The following DKK2 variants were observed in gnomAD, a reference collection of about 807,000 sequenced individuals.
DKK2 encodes dickkopf Wnt signaling pathway inhibitor 2, also known as dickkopf-related protein 2.
DKK2 carries 11 observed loss-of-function variants against 28.1 expected under a neutral mutation model. The observed-to-expected ratio is 0.39, with a 90% confidence interval of 0.25 to 0.65. DKK2 has a LOEUF of 0.65. DKK2 is among the 30% of genes least tolerant of loss of function. The pLI is 0.47. For synonymous variants in DKK2, 135 were observed against 126.5 expected (o/e 1.07, Z -0.45); for missense variants, 326 against 335.5 (o/e 0.97, Z 0.22).
chr4:106,978,887 T>C (rs1009040486), intron 1 of DKK2, among the ~76,000 whole-genome samples: 5 of 151,922 alleles, frequency 3.3e-5, no homozygotes, highest in Non-Finnish European at 7.4e-5. Flanking sequence ...GCCCTGGTGG[T>C]GTAGGCACCC....
intron 1 of DKK2, among the ~76,000 whole-genome samples, chr4:106,942,521 C>T (rs1724715454): frequency 6.6e-6 from 1 of 152,166 alleles, no homozygotes; most frequent in Admixed American, 6.6e-5. Context: ...GTCTGGCCTC[C>T]CATTCCAGTA....
intron 1 of DKK2, among the ~76,000 whole-genome samples, chr4:106,992,672 C>T (rs77562208): frequency 0.019 from 2,945 of 152,306 alleles, 41 homozygotes; most frequent in Middle Eastern, 0.037. Flanking sequence ...GGTAGCATTT[C>T]AAGCATATAT....
intron 1 of DKK2, among the ~76,000 whole-genome samples, chr4:106,967,309 TG>T (rs1476362777): frequency 2.0e-5 from 3 of 152,144 alleles, no homozygotes; most frequent in African/African-American, 7.2e-5. Context: ...TGGAAGAACC[TG>T]GTCTAGACTA....
Position 107,035,577 on chromosome 4 carries a change from C to G in DKK2, c.15G>C (p.Met5Ile). ...GGCAGCAGGACGAATCCTTGCTCCG[C>G]ATCAACGCGGCCATCTCCCGGCGAG... MAAL[M>I]RSKDSSCCLL... The change falls in exon 1 of 4, where the codon ATG becomes ATC. Residue 5 changes from methionine (M) to isoleucine (I), a missense_variant. Coordinates refer to ENST00000285311, the MANE Select transcript of DKK2 (RefSeq NM_014421.3). 1.2e-6 allele frequency: 2 copies of G among 1,614,098 alleles called. No individual in the cohort carries two copies. Among genetic ancestry groups the G allele is most frequent in the Non-Finnish European group, 8.5e-7 (1 of 1,180,010 alleles).
chr4:107,031,764 C>A (rs1356237168), intron 1 of DKK2, among the ~76,000 whole-genome samples: 1 of 151,962 alleles, frequency 6.6e-6, no homozygotes, highest in Non-Finnish European at 1.5e-5. Flanking sequence ...TAAGCAATTA[C>A]AAACACAAAT....
chr4:107,017,498 C>T (rs905060659), intron 1 of DKK2, among the ~76,000 whole-genome samples: 11 of 152,056 alleles, frequency 7.2e-5, no homozygotes, highest in African/African-American at 2.7e-4. Context: ...ATATAAAGCT[C>T]TAAACTGTGA....
intron 1 of DKK2, among the ~76,000 whole-genome samples, chr4:106,940,316 C>T (rs2110343382): frequency 6.6e-6 from 1 of 152,292 alleles, no homozygotes; most frequent in South Asian, 2.1e-4. Context: ...ACAGACACGT[C>T]TCAAAAGAAG....
chr4:106,945,678 A>G (rs1386280954), intron 1 of DKK2, among the ~76,000 whole-genome samples: 1 of 152,128 alleles, frequency 6.6e-6, no homozygotes, highest in Non-Finnish European at 1.5e-5. Context: ...AGTAATATAT[A>G]CCCATATCCT....
intron 1 of DKK2, among the ~76,000 whole-genome samples, chr4:107,016,703 A>T (rs1302470345): frequency 6.6e-6 from 1 of 151,900 alleles, no homozygotes; most frequent in East Asian, 1.9e-4. Context: ...GGCTTCCTTA[A>T]TGGTCTGAAT....
At chr4:106,960,650 A>G (rs1003249040) in intron 1 of DKK2, among the ~76,000 whole-genome samples, 1 of 152,188 alleles carries the variant, frequency 6.6e-6, no homozygotes, top group East Asian at 1.9e-4. Context: ...CTCAATAAAT[A>G]TATGGTCAAC....
intron 1 of DKK2, among the ~76,000 whole-genome samples, chr4:106,994,874 G>A (rs1723250148): frequency 6.6e-6 from 1 of 152,198 alleles, no homozygotes; most frequent in African/African-American, 2.4e-5. Context: ...TGGGGCACAT[G>A]CAGTTAACTC....
chr4:106,952,969 T>G (rs1722503364), intron 1 of DKK2, among the ~76,000 whole-genome samples: 1 of 152,204 alleles, frequency 6.6e-6, no homozygotes, highest in Non-Finnish European at 1.5e-5. Context: ...AATGCAAAAC[T>G]TAAACAAAGT....
intron 1 of DKK2, among the ~76,000 whole-genome samples, chr4:107,022,613 A>T (rs1295331164): frequency 6.6e-6 from 1 of 152,138 alleles, no homozygotes; most frequent in African/African-American, 2.4e-5. Flanking sequence ...ATGTTCTAGA[A>T]ATGGACATAG....
At chr4:106,963,949 C>T (rs762388453) in intron 1 of DKK2, among the ~76,000 whole-genome samples, 45 of 152,250 alleles carry the variant, frequency 3.0e-4, no homozygotes, top group Non-Finnish European at 5.0e-4. Flanking sequence ...CTCCTTTCCC[C>T]AGAGTATGTT....
At chr4:107,031,469 G>A (rs959308003) in intron 1 of DKK2, among the ~76,000 whole-genome samples, 2 of 151,954 alleles carry the variant, frequency 1.3e-5, no homozygotes, top group African/African-American at 4.8e-5. Flanking sequence ...ACTCGTTCAA[G>A]CTTCTCTTTC....
chr4:106,942,791 G>A (rs761384394), intron 1 of DKK2, among the ~76,000 whole-genome samples: 2 of 151,556 alleles, frequency 1.3e-5, no homozygotes, highest in Non-Finnish European at 2.9e-5. Flanking sequence ...CCCTCACATT[G>A]AACAGTGAAG....
At position 107,036,041 on chromosome 4, in the gene DKK2, C is replaced by T. The variant is rs1330984942; in HGVS notation, c.-450G>A. On this transcript the variant is annotated 5_prime_UTR_variant, in exon 1 of 4. Coordinates refer to ENST00000285311, the MANE Select transcript of DKK2 (RefSeq NM_014421.3). ...CCTTCAACTCAGTTGCTTTTCTCTCCTCTCTTTTCCTATCCTTTATGTGTC... is the reference window on the plus strand; with the variant it reads ...CCTTCAACTCAGTTGCTTTTCTCTCTTCTCTTTTCCTATCCTTTATGTGTC... 1.1e-5 allele frequency: 2 copies of T among 186,048 alleles called. No individual in the cohort carries two copies. Among genetic ancestry groups the T allele is most frequent in the African/African-American group, 2.4e-5 (1 of 42,254 alleles). The allele number at this position is 186,048 out of a possible 1,614,324, so 11.5% of individuals were successfully genotyped here.
At chr4:106,946,986 G>T (rs1724787294) in intron 1 of DKK2, among the ~76,000 whole-genome samples, 1 of 152,060 alleles carries the variant, frequency 6.6e-6, no homozygotes, top group African/African-American at 2.4e-5. Flanking sequence ...AGGTAAAGAT[G>T]TTTAAAACAT....
Position 106,934,612 on chromosome 4 carries a change from T to A in DKK2, c.223-8663A>T, listed in dbSNP as rs146175950. Among the ~76,000 whole-genome samples, 122 of 152,322 alleles carry A rather than the reference T, an allele frequency of 8.0e-4. 1 individual carries two copies. Among genetic ancestry groups the A allele is most frequent in the African/African-American group, 2.7e-3 (112 of 41,578 alleles). On this transcript the variant is annotated intron_variant, in intron 1 of 3. Transcript: ENST00000285311. The stretch of plus-strand genomic sequence containing the variant: ...ATGTTTATTGCCTTGGTTAATTTCA[T>A]TTAATATAGGAATTTCCAAACATAA...
Sources: allele counts gnomAD v4.1 joint callset (sites outside exome capture counted in the v4.1 genomes callset), GRCh38; gene constraint gnomAD v4.1.1; transcripts MANE v1.5; gene names NCBI Gene and HGNC (gene_info 2026-07-23, HGNC 2026-07-21).